Variants in KAT6B observed in about 807,000 individuals in gnomAD.
KAT6B encodes the protein lysine acetyltransferase 6B.
In KAT6B, 10 loss-of-function variants were observed where a neutral mutation model predicts 187.5. The ratio of observed to expected loss-of-function variants is 0.05; its 90% CI spans 0.03 to 0.09. The LOEUF is 0.09. KAT6B is among the 10% of genes least tolerant of loss of function. KAT6B has a pLI of 1.00. For synonymous variants in KAT6B, 861 were observed against 926.8 expected (o/e 0.93, Z 1.29); for missense variants, 1,952 against 2,558.9 (o/e 0.76, Z 5.12).
At chr10:74,980,436 A>G (rs1204479778) in intron 10 of KAT6B, among the ~76,000 whole-genome samples, 1 of 152,182 alleles carries the variant, frequency 6.6e-6, no homozygotes, top group Non-Finnish European at 1.5e-5. Context: ...AGAAAATGCT[A>G]AGTGTTTTCT....
chr10:74,858,283 ATTTT>A (rs755754008), intron 3 of KAT6B, among the ~76,000 whole-genome samples: 2 of 135,130 alleles, frequency 1.5e-5, no homozygotes, highest in Admixed American at 7.5e-5. Context: ...TGGATGGGCA[ATTTT>A]TTTTTTTTTT....
intron 3 of KAT6B, among the ~76,000 whole-genome samples, chr10:74,911,241 C>T (rs188913171): frequency 2.6e-5 from 4 of 151,546 alleles, no homozygotes; most frequent in Admixed American, 6.6e-5. Flanking sequence ...GCTGTCTTCA[C>T]TCACTTTAAA....
intron 1 of KAT6B, among the ~76,000 whole-genome samples, chr10:74,835,300 G>C (rs912607072): frequency 6.6e-6 from 1 of 152,180 alleles, no homozygotes; most frequent in African/African-American, 2.4e-5. Flanking sequence ...ATCCATCCAA[G>C]AGATGTTCAT....
chr10:74,833,134 CAAAA>C (rs905808106), intron 1 of KAT6B, among the ~76,000 whole-genome samples: 102 of 52,294 alleles, frequency 2.0e-3, no homozygotes, highest in African/African-American at 7.3e-3. Flanking sequence ...GACTCTGTCT[CAAAA>C]AAAAAAAAAA....
rs148242818 is a variant in KAT6B, at chr10:75,021,447, A to T, written c.3021+162A>T. Among the ~76,000 whole-genome samples the T allele has an allele frequency of 4.2e-3, 647 of 152,340 alleles. 19 individuals carry two copies. The highest frequency in any genetic ancestry group is 4.9e-3 in the Non-Finnish European group (330 of 68,014). On this transcript the variant is annotated intron_variant, in intron 15 of 17. Coordinates refer to ENST00000287239, the MANE Select transcript of KAT6B (RefSeq NM_012330.4). ...CCTAACTGAGGTTGCATGGTAAGACATGATAATTTTATTGAATTGAGTATG... is the reference window on the plus strand; with the variant it reads ...CCTAACTGAGGTTGCATGGTAAGACTTGATAATTTTATTGAATTGAGTATG...
chr10:74,993,084 A>G (rs1478094305), intron 13 of KAT6B, among the ~76,000 whole-genome samples: 1 of 152,128 alleles, frequency 6.6e-6, no homozygotes, highest in African/African-American at 2.4e-5. Context: ...AGAACTTCAG[A>G]GAACTCCCTT....
chr10:75,012,856 T>TA (rs1253191937), intron 13 of KAT6B, among the ~76,000 whole-genome samples: 1 of 152,110 alleles, frequency 6.6e-6, no homozygotes, highest in East Asian at 1.9e-4. Context: ...ACTCCTGCCA[T>TA]ACATCTTCCA....
intron 11 of KAT6B, 160 bp downstream of exon 11, chr10:74,982,088 C>A: frequency 1.5e-6 from 1 of 655,186 alleles, no homozygotes; most frequent in Non-Finnish European, 2.7e-6. Flanking sequence ...GAATGTTTAT[C>A]TAACCATATT....
intron 3 of KAT6B, among the ~76,000 whole-genome samples, chr10:74,860,687 T>C (rs1336938235): frequency 6.6e-6 from 1 of 152,138 alleles, no homozygotes; most frequent in Non-Finnish European, 1.5e-5. Flanking sequence ...TTACCACATA[T>C]CTAAATGGTA....
At chr10:74,964,441 CTG>C (rs1232020552) in intron 4 of KAT6B, among the ~76,000 whole-genome samples, 1 of 152,150 alleles carries the variant, frequency 6.6e-6, no homozygotes, top group Non-Finnish European at 1.5e-5. Flanking sequence ...ACCATATTAT[CTG>C]TGTTTTTTCT....
intron 3 of KAT6B, among the ~76,000 whole-genome samples, chr10:74,904,532 C>G (rs995353950): frequency 6.6e-6 from 1 of 152,204 alleles, no homozygotes; most frequent in African/African-American, 2.4e-5. Context: ...CCTGTGTATG[C>G]TCATAGGGAG....
intron 3 of KAT6B, among the ~76,000 whole-genome samples, chr10:74,925,411 C>T (rs547544257): frequency 1.3e-5 from 2 of 150,050 alleles, no homozygotes; most frequent in Non-Finnish European, 3.0e-5. Context: ...CCCCCACCCC[C>T]CTTTTTCCCC....
chr10:74,930,105 T>C (rs1244160049), intron 3 of KAT6B, among the ~76,000 whole-genome samples: 1 of 152,010 alleles, frequency 6.6e-6, no homozygotes, highest in Non-Finnish European at 1.5e-5. Context: ...GTATTTTTAG[T>C]AGAGATGGGG....
At chr10:74,929,507 A>G (rs536392828) in intron 3 of KAT6B, among the ~76,000 whole-genome samples, 3 of 152,356 alleles carry the variant, frequency 2.0e-5, no homozygotes, top group East Asian at 3.8e-4. Context: ...TATACAGGAC[A>G]TAGTCCAAGA....
chr10:74,939,391 G>GT (rs1282571402), intron 3 of KAT6B, among the ~76,000 whole-genome samples: 1 of 151,910 alleles, frequency 6.6e-6, no homozygotes, highest in African/African-American at 2.4e-5. Context: ...CTTGGAGTCT[G>GT]TTTTTTTGTT....
intron 3 of KAT6B, among the ~76,000 whole-genome samples, chr10:74,843,915 C>G (rs1287676171): frequency 6.6e-6 from 1 of 152,222 alleles, no homozygotes; most frequent in Non-Finnish European, 1.5e-5. Context: ...GCTCTGTCGC[C>G]TAGGCTGGAG....
At chr10:75,020,857 A>ACAC in intron 14 of KAT6B, 44 bp downstream of exon 14, 1 of 1,527,078 alleles carries the variant, frequency 6.5e-7, no homozygotes, top group Non-Finnish European at 9.0e-7. Context: ...CAGGCATCCC[A>ACAC]CACCAGAAAG....
At chr10:74,888,118 G>A (rs1845414453) in intron 3 of KAT6B, among the ~76,000 whole-genome samples, 2 of 152,340 alleles carry the variant, frequency 1.3e-5, no homozygotes, top group East Asian at 1.9e-4. Context: ...GTGGGTTGTA[G>A]GAGTGTATCT....
At chr10:74,845,848 A>G (rs1842063825) in intron 3 of KAT6B, among the ~76,000 whole-genome samples, 1 of 147,252 alleles carries the variant, frequency 6.8e-6, no homozygotes, top group East Asian at 2.0e-4. Context: ...AAGGCAAACC[A>G]CCTGGTCCTA....
Sources: gnomAD v4.1 joint callset for allele counts (sites outside exome capture counted in the v4.1 genomes callset) on GRCh38, gnomAD v4.1.1 for gene constraint, MANE v1.5 for transcripts, NCBI Gene and HGNC (gene_info 2026-07-23, HGNC 2026-07-21) for gene names.